The following EPHA3 variants were observed in gnomAD, a reference collection of about 807,000 sequenced individuals.
EPHA3 encodes the protein ephrin type-A receptor 3.
EPHA3 carries 42 observed loss-of-function variants against 107.1 expected under a neutral mutation model. That is an observed-to-expected ratio of 0.39 (90% CI 0.31 to 0.51). EPHA3 has a LOEUF of 0.51. EPHA3 is among the 20% of genes least tolerant of loss of function. The pLI, the probability that EPHA3 is intolerant of heterozygous loss-of-function variation, is 0.78. For synonymous variants in EPHA3, 461 were observed against 424.8 expected (o/e 1.09, Z -1.05); for missense variants, 1,183 against 1,211.2 (o/e 0.98, Z 0.35).
intron 10 of EPHA3, 25 bp downstream of exon 10, chr3:89,413,291 A>C: frequency 6.2e-7 from 1 of 1,610,794 alleles, no homozygotes; most frequent in Non-Finnish European, 8.5e-7. Flanking sequence ...CCTACTGCCA[A>C]CTTAGTACTG....
At position 89,421,731 on chromosome 3, in the gene EPHA3, A is replaced by G. The variant is rs1312946655; in HGVS notation, c.2074+2341A>G. Among the ~76,000 whole-genome samples, 4 of 151,284 alleles carry G rather than the reference A, an allele frequency of 2.6e-5. No individual in the cohort carries two copies. In the South Asian group the frequency reaches 8.3e-4, roughly 31 times the overall value. ...CTATAAATGCATTTACTGGATGATAAGCAACATTAAACTATAAATGTTGTG... is the reference window on the plus strand; with the variant it reads ...CTATAAATGCATTTACTGGATGATAGGCAACATTAAACTATAAATGTTGTG... On this transcript the variant is annotated intron_variant, in intron 11 of 16. Coordinates refer to ENST00000336596, the MANE Select transcript of EPHA3 (RefSeq NM_005233.6).
At chr3:89,419,047 T>G (rs528019280) in intron 10 of EPHA3, among the ~76,000 whole-genome samples, 158 bp from the exon 11 acceptor site, 2 of 151,616 alleles carry the variant, frequency 1.3e-5, no homozygotes, top group South Asian at 4.1e-4. Flanking sequence ...TTTCATATGA[T>G]TATCTTTCAA....
chr3:89,200,283 G>T (rs1317488478), intron 2 of EPHA3, among the ~76,000 whole-genome samples: 1 of 152,132 alleles, frequency 6.6e-6, no homozygotes, highest in South Asian at 2.1e-4. Flanking sequence ...TGTTGATGCT[G>T]CATCTTTCAG....
At position 89,173,016 on chromosome 3, in the gene EPHA3, T is replaced by C. The variant is rs146176821; in HGVS notation, c.154-36844T>C. ...CAATATTCAAAAAAGTTAATATTTTTAATATTATAACAAGTACAGTATTCA... is the reference window on the plus strand; with the variant it reads ...CAATATTCAAAAAAGTTAATATTTTCAATATTATAACAAGTACAGTATTCA... On this transcript the variant is annotated intron_variant, in intron 2 of 16. Coordinates refer to ENST00000336596, the MANE Select transcript of EPHA3 (RefSeq NM_005233.6). 5.3e-5 allele frequency among the ~76,000 whole-genome samples: 8 copies of C among 152,274 alleles called. No individual in the cohort carries two copies. The East Asian group carries it at 1.5e-3, about 29-fold the overall frequency.
At position 89,481,238 on chromosome 3, in the gene EPHA3, T is replaced by C. The variant is rs1305504039; in HGVS notation, c.*1736T>C. The C allele has an allele frequency of 4.3e-6, 1 of 232,142 alleles. No individual in the cohort carries two copies. The highest frequency in any genetic ancestry group is 8.5e-6 in the Non-Finnish European group (1 of 117,454). The allele number at this position is 232,142 out of a possible 1,614,324, so 14.4% of individuals were successfully genotyped here. On this transcript the variant is annotated 3_prime_UTR_variant, in exon 17 of 17. Transcript: ENST00000336596. The stretch of plus-strand genomic sequence containing the variant: ...AAGTGCTCATCTGTTGTAGATTTAG[T>C]GTAATAAGACTTAGATTGTGCTCCT...
At chr3:89,304,363 G>C (rs1706561582) in intron 3 of EPHA3, among the ~76,000 whole-genome samples, 1 of 151,912 alleles carries the variant, frequency 6.6e-6, no homozygotes, top group South Asian at 2.1e-4. Flanking sequence ...TCCCTCCAAT[G>C]GTTTTCCCAT....
At chr3:89,170,737 T>G (rs1705193532) in intron 2 of EPHA3, among the ~76,000 whole-genome samples, 1 of 152,168 alleles carries the variant, frequency 6.6e-6, no homozygotes, top group South Asian at 2.1e-4. Context: ...GAGAAACACT[T>G]GGGGATTTTG....
At chr3:89,452,974 T>A (rs1439908244) in intron 15 of EPHA3, among the ~76,000 whole-genome samples, 2 of 92,270 alleles carry the variant, frequency 2.2e-5, no homozygotes, top group Non-Finnish European at 5.2e-5. Flanking sequence ...TAATAACACT[T>A]AGTAGGAATC....
intron 2 of EPHA3, among the ~76,000 whole-genome samples, chr3:89,206,563 A>G (rs1386835249): frequency 6.6e-6 from 1 of 152,212 alleles, no homozygotes. Context: ...TTAAAATGCC[A>G]TTGTAGAACC....
chr3:89,139,746 A>C (rs1408113339), intron 2 of EPHA3, among the ~76,000 whole-genome samples: 2 of 151,774 alleles, frequency 1.3e-5, no homozygotes, highest in African/African-American at 4.8e-5. Context: ...GACTTGATGA[A>C]GGTCACGTCA....
chr3:89,161,492 TC>T (rs1426696433), intron 2 of EPHA3, among the ~76,000 whole-genome samples: 1 of 152,156 alleles, frequency 6.6e-6, no homozygotes, highest in East Asian at 1.9e-4. Context: ...ATCTTGGAGA[TC>T]TTTCATATAA....
At chr3:89,246,787 A>G (rs953812333) in intron 3 of EPHA3, among the ~76,000 whole-genome samples, 1 of 152,164 alleles carries the variant, frequency 6.6e-6, no homozygotes, top group African/African-American at 2.4e-5. Flanking sequence ...CATTGCTAAC[A>G]TTTACATTAT....
At chr3:89,230,644 C>T (rs1328155652) in intron 3 of EPHA3, among the ~76,000 whole-genome samples, 3 of 151,948 alleles carry the variant, frequency 2.0e-5, no homozygotes, top group Admixed American at 6.6e-5. Flanking sequence ...GTTTGTGTTT[C>T]GGGCAGTATC....
chr3:89,326,699 C>A (rs1461463889), intron 3 of EPHA3, among the ~76,000 whole-genome samples: 1 of 151,896 alleles, frequency 6.6e-6, no homozygotes, highest in Admixed American at 6.6e-5. Flanking sequence ...CCTTGACTAG[C>A]CAGTTTTTTT....
At chr3:89,389,874 G>T (rs1165873347) in intron 5 of EPHA3, among the ~76,000 whole-genome samples, 1 of 152,154 alleles carries the variant, frequency 6.6e-6, no homozygotes, top group East Asian at 1.9e-4. Context: ...TTTATTGAGT[G>T]TAGTCAATGA....
chr3:89,165,009 T>C (rs966590469), intron 2 of EPHA3, among the ~76,000 whole-genome samples: 3 of 152,224 alleles, frequency 2.0e-5, no homozygotes, highest in Non-Finnish European at 4.4e-5. Context: ...AGAAACTGTT[T>C]CTTATTTGGC....
intron 3 of EPHA3, among the ~76,000 whole-genome samples, chr3:89,277,415 G>T (rs1009461160): frequency 1.3e-5 from 2 of 151,998 alleles, no homozygotes; most frequent in Non-Finnish European, 2.9e-5. Context: ...CCATATCATA[G>T]ACGACTAGAT....
intron 3 of EPHA3, among the ~76,000 whole-genome samples, chr3:89,212,340 G>A (rs1258139112): frequency 2.0e-5 from 3 of 151,884 alleles, no homozygotes; most frequent in Non-Finnish European, 4.4e-5. Flanking sequence ...ATGGCAGGTG[G>A]GGTTGTTTTT....
intron 5 of EPHA3, among the ~76,000 whole-genome samples, chr3:89,344,667 A>G (rs1194215687): frequency 1.3e-5 from 2 of 152,182 alleles, no homozygotes; most frequent in African/African-American, 4.8e-5. Flanking sequence ...TATGGCTGTG[A>G]CAGATATGAT....
Sources: gnomAD v4.1 joint callset for allele counts (sites outside exome capture counted in the v4.1 genomes callset) on GRCh38, gnomAD v4.1.1 for gene constraint, MANE v1.5 for transcripts, NCBI Gene and HGNC (gene_info 2026-07-23, HGNC 2026-07-21) for gene names.